Variants in SUPT3H observed in about 807,000 individuals in gnomAD.
SUPT3H encodes the protein SPT3 homolog, SAGA and STAGA complex component.
In SUPT3H, 44 loss-of-function variants were observed where a neutral mutation model predicts 44.3. The ratio of observed to expected loss-of-function variants is 0.99; its 90% CI spans 0.78 to 1.28. SUPT3H has a LOEUF of 1.28. Among genes scored for constraint, SUPT3H ranks in the 50% most tolerant of loss-of-function variants. The probability of loss-of-function intolerance (pLI) is 0.00; values close to 1 mark genes in which losing one functional copy is unlikely to be tolerated. For missense variants in SUPT3H, 380 were observed against 387.1 expected (o/e 0.98, Z 0.15); for synonymous variants, 124 against 125.6 (o/e 0.99, Z 0.09).
At chr6:45,253,061 C>CA (rs1397682217) in intron 2 of SUPT3H, among the ~76,000 whole-genome samples, 13 of 149,874 alleles carry the variant, frequency 8.7e-5, no homozygotes, top group South Asian at 2.1e-4. Context: ...AGAAAAAAAA[C>CA]AAAAAAAAGA....
intron 10 of SUPT3H, among the ~76,000 whole-genome samples, chr6:44,864,935 C>T (rs1334178816): frequency 2.6e-5 from 4 of 152,168 alleles, no homozygotes; most frequent in Non-Finnish European, 4.4e-5. Context: ...TCTTTTATAT[C>T]GCATTGTCAG....
intron 10 of SUPT3H, among the ~76,000 whole-genome samples, chr6:44,867,530 A>G (rs185803593): frequency 6.6e-6 from 1 of 152,264 alleles, no homozygotes; most frequent in Non-Finnish European, 1.5e-5. Context: ...AGATTCAGCT[A>G]GTCAGAATTG....
chr6:45,153,668 C>T (rs989368449), intron 2 of SUPT3H, among the ~76,000 whole-genome samples: 1 of 152,122 alleles, frequency 6.6e-6, no homozygotes, highest in Non-Finnish European at 1.5e-5. Flanking sequence ...GTCAGGAGTT[C>T]GAGACCAGCC....
intron 2 of SUPT3H, among the ~76,000 whole-genome samples, chr6:45,260,260 G>T (rs1774137376): frequency 6.6e-6 from 1 of 152,036 alleles, no homozygotes; most frequent in Admixed American, 6.6e-5. Context: ...TTTTTCAGAG[G>T]CCAAGTCAAA....
At chr6:45,066,306 G>GT (rs1318509149) in intron 3 of SUPT3H, among the ~76,000 whole-genome samples, 4 of 151,002 alleles carry the variant, frequency 2.6e-5, no homozygotes, top group Non-Finnish European at 4.4e-5. Context: ...TTGATGGGAC[G>GT]TATTTCAAAA....
At chr6:44,836,906 A>G (rs1770016912) in intron 10 of SUPT3H, among the ~76,000 whole-genome samples, 1 of 152,226 alleles carries the variant, frequency 6.6e-6, no homozygotes, top group Non-Finnish European at 1.5e-5. Flanking sequence ...AACACCAATA[A>G]TATTAAACTT....
chr6:44,997,382 T>C (rs753889828), intron 6 of SUPT3H, among the ~76,000 whole-genome samples: 3 of 151,824 alleles, frequency 2.0e-5, no homozygotes, highest in Non-Finnish European at 4.4e-5. Context: ...TTTTTGTTAA[T>C]ATAAAGTTCA....
At chr6:45,079,297 G>A (rs1180124666) in intron 3 of SUPT3H, among the ~76,000 whole-genome samples, 1 of 151,902 alleles carries the variant, frequency 6.6e-6, no homozygotes, top group Non-Finnish European at 1.5e-5. Flanking sequence ...GCGCCAGAGT[G>A]AGACTCCACA....
chr6:44,887,560 T>C (rs1762527438), intron 10 of SUPT3H, among the ~76,000 whole-genome samples: 1 of 152,090 alleles, frequency 6.6e-6, no homozygotes, highest in African/African-American at 2.4e-5. Flanking sequence ...AAGATGTCCT[T>C]TGAAACCAAC....
At chr6:44,879,694 C>T (rs903175082) in intron 10 of SUPT3H, among the ~76,000 whole-genome samples, 42 of 151,748 alleles carry the variant, frequency 2.8e-4, no homozygotes, top group Admixed American at 9.8e-4. Flanking sequence ...TGGCATCTGG[C>T]GGGTGCCCCA....
intron 3 of SUPT3H, among the ~76,000 whole-genome samples, chr6:45,073,358 T>G (rs531257715): frequency 6.6e-6 from 1 of 151,952 alleles, no homozygotes; most frequent in Non-Finnish European, 1.5e-5. Flanking sequence ...GAGAATACAA[T>G]CTACCCATGG....
intron 2 of SUPT3H, among the ~76,000 whole-genome samples, chr6:45,182,044 G>C (rs997657046): frequency 6.6e-6 from 1 of 151,934 alleles, no homozygotes; most frequent in East Asian, 1.9e-4. Context: ...ATCATAATAC[G>C]TTTCCTTTTT....
chr6:45,109,340 T>C (rs1384215041), intron 2 of SUPT3H, among the ~76,000 whole-genome samples: 1 of 152,168 alleles, frequency 6.6e-6, no homozygotes, highest in African/African-American at 2.4e-5. Flanking sequence ...TTACTTCGAA[T>C]GTCACTGTTA....
chr6:45,037,559 G>C (rs1034684140), intron 3 of SUPT3H, among the ~76,000 whole-genome samples: 2 of 151,812 alleles, frequency 1.3e-5, no homozygotes, highest in African/African-American at 4.8e-5. Flanking sequence ...AGCTACTCGG[G>C]AGGCTGAGGC....
chr6:45,051,665 T>C (rs974039745), intron 3 of SUPT3H, among the ~76,000 whole-genome samples: 2 of 152,188 alleles, frequency 1.3e-5, no homozygotes, highest in Non-Finnish European at 2.9e-5. Flanking sequence ...GCTGCATTGG[T>C]ACAGTTTAAA....
chr6:44,890,027 A>G (rs1345134987), intron 10 of SUPT3H, among the ~76,000 whole-genome samples: 5 of 151,606 alleles, frequency 3.3e-5, no homozygotes, highest in Non-Finnish European at 5.9e-5. Flanking sequence ...ATCACTGGCC[A>G]TCAGAGAAAT....
intron 2 of SUPT3H, among the ~76,000 whole-genome samples, chr6:45,243,197 CAAAAAAAAAAAAA>C (rs61643038): frequency 1.4e-5 from 1 of 72,564 alleles, no homozygotes; most frequent in Non-Finnish European, 2.2e-5. Flanking sequence ...GACTCCTTCT[CAAAAAAAAAAAAA>C]AAAAAAAAAA....
chr6:45,043,161 A>ACACACACACG (rs892101743), intron 3 of SUPT3H, among the ~76,000 whole-genome samples: 5 of 151,490 alleles, frequency 3.3e-5, no homozygotes, highest in Non-Finnish European at 7.4e-5. Context: ...ACACACACAC[A>ACACACACACG]CACACACACG....
chr6:44,920,909 A>G (rs1266737852), intron 10 of SUPT3H, among the ~76,000 whole-genome samples: 1 of 151,990 alleles, frequency 6.6e-6, no homozygotes, highest in East Asian at 1.9e-4. Flanking sequence ...CAAAATCACT[A>G]TTCATTCCCT....
Sources: allele counts gnomAD v4.1 joint callset (sites outside exome capture counted in the v4.1 genomes callset), GRCh38; gene constraint gnomAD v4.1.1; transcripts MANE v1.5; gene names NCBI Gene and HGNC (gene_info 2026-07-23, HGNC 2026-07-21).